Variants in PSMD13 observed in about 807,000 individuals in gnomAD.
PSMD13 encodes the protein 26S proteasome non-ATPase regulatory subunit 13.
Under a neutral mutation model 57.4 loss-of-function variants are expected in PSMD13, and 8 were observed. The observed-to-expected ratio is 0.14, with a 90% CI of 0.08 to 0.25. The LOEUF is 0.25. Ranked by LOEUF, PSMD13 falls within the 10% of genes least tolerant of loss-of-function variation. PSMD13 has a pLI of 1.00. For synonymous variants in PSMD13, 193 were observed against 168.2 expected (o/e 1.15, Z -1.14); for missense variants, 400 against 461.5 (o/e 0.87, Z 1.22).
intron 6 of PSMD13, among the ~76,000 whole-genome samples, chr11:245,399 C>G (rs1859609712): frequency 6.6e-6 from 1 of 152,192 alleles, no homozygotes; most frequent in Non-Finnish European, 1.5e-5. Context: ...AATAATGACT[C>G]CACATGGCCT....
intron 2 of PSMD13, chr11:243,092 A>C (rs6598068): frequency 0.82 from 418,247 of 508,986 alleles, 171,894 homozygotes; most frequent in African/African-American, 0.89. Flanking sequence ...CTGCGCCCGG[A>C]TGGTTACGTC....
intron 1 of PSMD13, 25 bp from the exon 2 acceptor site, chr11:238,973 G>A: frequency 6.2e-7 from 1 of 1,606,452 alleles, no homozygotes; most frequent in Middle Eastern, 1.7e-4. Context: ...TAGGTTAGAG[G>A]TCTTAAGGGC....
rs60869932 is a variant in PSMD13, at chr11:240,101, C to CTTTTT, written c.174+1048_174+1052dup. Among the ~76,000 whole-genome samples, 240 of 51,422 alleles carry CTTTTT rather than the reference C, an allele frequency of 4.7e-3. 56 individuals carry two copies. Among genetic ancestry groups the CTTTTT allele is most frequent in the African/African-American group, 0.015 (203 of 13,590 alleles). The allele number at this position is 51,422 out of a possible 152,430, so 33.7% of individuals were successfully genotyped here. A position where few individuals can be genotyped will look rare whatever the true frequency, so the allele number is the denominator to read the frequency against. On this transcript the variant is annotated intron_variant, in intron 2 of 12. Transcript: ENST00000532097. The stretch of plus-strand genomic sequence containing the variant: ...GTGGGAAAATGATAAATGAGACCTG[C>CTTTTT]TTTTTTTTTTTTTTTTTTTTTTTTT...
At position 251,995 on chromosome 11, in the gene PSMD13, C is replaced by T. The variant is rs916767672; in HGVS notation, c.1035+59C>T. On this transcript the variant is annotated intron_variant, in intron 12 of 12. Transcript: ENST00000532097. This position sits in a 1 kb window ranked among gnomAD's most constrained non-coding sequence, Gnocchi z 4.6. ...GGATTTTGAGGGGTTGTGTCTATACCGTCTTAGTTTCATTTGGATGGAAGC... is the reference window on the plus strand; with the variant it reads ...GGATTTTGAGGGGTTGTGTCTATACTGTCTTAGTTTCATTTGGATGGAAGC... The T allele has an allele frequency of 3.2e-5, 47 of 1,472,826 alleles. No individual in the cohort carries two copies. Among genetic ancestry groups the T allele is most frequent in the Non-Finnish European group, 3.8e-5 (41 of 1,065,578 alleles). 91.2% of individuals were successfully genotyped at this position (1,472,826 alleles called of 1,614,324 possible).
intron 2 of PSMD13, 67 bp downstream of exon 2, chr11:239,143 G>C: frequency 7.5e-7 from 1 of 1,335,468 alleles, no homozygotes; most frequent in Non-Finnish European, 1.1e-6. Flanking sequence ...AATAAGATAG[G>C]CTTTATGCTA....
In PSMD13 at chr11:252,735, T is replaced by G; in HGVS notation, c.*135T>G. 1.3e-6 allele frequency: 1 copy of G among 770,606 alleles called. No homozygotes were observed. Among genetic ancestry groups the G allele is most frequent in the Non-Finnish European group, 2.1e-6 (1 of 471,818 alleles). The allele number at this position is 770,606 out of a possible 1,614,324, so 47.7% of individuals were successfully genotyped here. ...ATCCTGTCTGAAGTACAGACTGTTC[T>G]TGCTCTAAAAACAGGACTGTCCCTG... On this transcript the variant is annotated 3_prime_UTR_variant, in exon 13 of 13. Transcript: ENST00000532097. This position sits in a 1 kb window ranked among gnomAD's most constrained non-coding sequence, Gnocchi z 4.1.
At chr11:240,423 T>C (rs1422782740) in intron 2 of PSMD13, among the ~76,000 whole-genome samples, 1 of 152,208 alleles carries the variant, frequency 6.6e-6, no homozygotes, top group Non-Finnish European at 1.5e-5. Flanking sequence ...GAGACCTGTC[T>C]TAATACTTGT....
intron 2 of PSMD13, 26 bp from the exon 3 acceptor site, chr11:244,015 T>C: frequency 1.3e-6 from 2 of 1,592,362 alleles, no homozygotes; most frequent in Non-Finnish European, 1.7e-6. Context: ...CATCCTATAA[T>C]TTCTCTCCAT....
chr11:243,889 A>G (rs1169544126), intron 2 of PSMD13, 152 bp from the exon 3 acceptor site: 4 of 660,166 alleles, frequency 6.1e-6, no homozygotes, highest in Non-Finnish European at 1.0e-5. Flanking sequence ...TTCTGCAAAC[A>G]TGCATTGCTT....
intron 1 of PSMD13, among the ~76,000 whole-genome samples, chr11:238,668 C>T (rs1052649038): frequency 2.6e-5 from 4 of 152,012 alleles, no homozygotes; most frequent in African/African-American, 9.7e-5. Context: ...CAGACTCTGT[C>T]TCAAAAAAGA....
chr11:252,526 C>T lies in PSMD13; in HGVS notation c.1057C>T (p.Leu353=). 1 of 1,614,152 alleles carries T rather than the reference C, an allele frequency of 6.2e-7. No homozygotes were observed. Among genetic ancestry groups the T allele is most frequent in the South Asian group, 1.1e-5 (1 of 91,080 alleles). The change falls in exon 13 of 13, where the codon CTG becomes TTG. Residue 353 remains leucine, a synonymous_variant. Transcript: ENST00000532097. This position sits in a 1 kb window ranked among gnomAD's most constrained non-coding sequence, Gnocchi z 4.1. ...LQQIKGMKDR[L]EFWCTDVKSM... The stretch of plus-strand genomic sequence containing the variant: ...TCAGATCAAGGGAATGAAGGACCGC[C>T]TGGAGTTCTGGTGCACGGATGTGAA...
chr11:244,812 C>A, intron 6 of PSMD13, 51 bp downstream of exon 6: 2 of 1,363,164 alleles, frequency 1.5e-6, no homozygotes, highest in Non-Finnish European at 2.0e-6. Flanking sequence ...TATTTAAAAC[C>A]CTAGGAAAAA....
In PSMD13 at chr11:239,064, T is replaced by C; in HGVS notation, c.162T>C (p.Asp54=). ...AGGATCCGTGCTTTGCCCAAGGAGA[T>C]GGTCTCATTAAGGTAAATAATTTGC... ...FVQDPCFAQG[D]GLIKLYENFI... Residue 54 remains aspartate (D), a synonymous_variant, in exon 2 of 13, where the codon GAT becomes GAC. Transcript: ENST00000532097. 1 of 1,613,890 alleles carries C rather than the reference T, an allele frequency of 6.2e-7. No individual in the cohort carries two copies. The highest frequency in any genetic ancestry group is 2.2e-5 in the East Asian group (1 of 44,884).
Position 251,970 on chromosome 11 carries a change from G to A in PSMD13, c.1035+34G>A. ...TTTGAAACCCATTATTCACCTCTGT[G>A]GATTTTGAGGGGTTGTGTCTATACC... On this transcript the variant is annotated intron_variant, in intron 12 of 12. Coordinates refer to ENST00000532097, the MANE Select transcript of PSMD13 (RefSeq NM_002817.4). This position sits in a 1 kb window ranked among gnomAD's most constrained non-coding sequence, Gnocchi z 4.6. 6.4e-7 allele frequency: 1 copy of A among 1,573,616 alleles called. No individual in the cohort carries two copies. The highest frequency in any genetic ancestry group is 8.7e-7 in the Non-Finnish European group (1 of 1,145,610).
chr11:244,382 A>C, intron 4 of PSMD13, 44 bp from the exon 5 acceptor site: 1 of 1,598,164 alleles, frequency 6.3e-7, no homozygotes, highest in Non-Finnish European at 8.6e-7. Flanking sequence ...GGTTAGCAGA[A>C]ACCAGTCTGT....
At chr11:238,931 C>G (rs1420035213) in intron 1 of PSMD13, 67 bp from the exon 2 acceptor site, 6 of 1,380,902 alleles carry the variant, frequency 4.3e-6, no homozygotes, top group Non-Finnish European at 6.2e-6. Context: ...TTGATAGAAT[C>G]ATCAAGGCTG....
chr11:248,529 T>C (rs1859702124), intron 7 of PSMD13: 4 of 510,188 alleles, frequency 7.8e-6, no homozygotes, highest in Non-Finnish European at 1.4e-5. Flanking sequence ...CAGCTGAAAA[T>C]ATGAATAGAT....
chr11:237,095 C>T lies in PSMD13; in HGVS notation c.46C>T (p.Pro16Ser), dbSNP rs201217300. Residue 16 changes from proline to serine, a missense_variant, in exon 1 of 13, where the codon CCC becomes TCC. Physicochemically the swap from Pro to Ser is moderately conservative, Grantham distance 74 (BLOSUM62 -1). Coordinates refer to ENST00000532097, the MANE Select transcript of PSMD13 (RefSeq NM_002817.4). ...GFLQQSQNSG[P>S]GQPAVWHRLE... The stretch of plus-strand genomic sequence containing the variant: ...CCTACAGCAGAGCCAGAACTCCGGG[C>T]CCGGGCAGCCCGCTGTGTGGCACCG... The T allele has an allele frequency of 2.3e-4, 379 of 1,613,674 alleles. 1 individual carries two copies. The highest frequency in any genetic ancestry group is 1.1e-3 in the Admixed American group (66 of 60,000).
At chr11:239,567 C>T (rs967377486) in intron 2 of PSMD13, among the ~76,000 whole-genome samples, 3 of 152,152 alleles carry the variant, frequency 2.0e-5, no homozygotes, top group African/African-American at 7.2e-5. Flanking sequence ...CTTGCCCAGA[C>T]ACTTCTGTCC....
Sources: allele counts gnomAD v4.1 joint callset (sites outside exome capture counted in the v4.1 genomes callset), GRCh38; gene constraint gnomAD v4.1.1; non-coding constraint Gnocchi (gnomAD v3.1); transcripts MANE v1.5; gene names NCBI Gene and HGNC (gene_info 2026-07-23, HGNC 2026-07-21).